The following MAP2K1 variants were observed in gnomAD, a reference collection of about 807,000 sequenced individuals.
The protein encoded by MAP2K1 is mitogen-activated protein kinase kinase 1.
Under a neutral mutation model 46.3 loss-of-function variants are expected in MAP2K1, and 16 were observed. The observed-to-expected ratio is 0.35, with a 90% CI of 0.23 to 0.52. The LOEUF (loss-of-function observed/expected upper bound fraction) is 0.52. Ranked by LOEUF, MAP2K1 falls within the 20% of genes least tolerant of loss-of-function variation. The pLI is 0.94. For synonymous variants in MAP2K1, 183 were observed against 185.6 expected (o/e 0.99, Z 0.11); for missense variants, 263 against 497.1 (o/e 0.53, Z 4.48).
At chr15:66,417,116 C>A (rs954271165) in intron 1 of MAP2K1, among the ~76,000 whole-genome samples, 1 of 152,092 alleles carries the variant, frequency 6.6e-6, no homozygotes, top group Non-Finnish European at 1.5e-5. Context: ...ATTTCCCCAC[C>A]CCACATCTTT....
chr15:66,415,326 G>T (rs1021645790), intron 1 of MAP2K1: 6 of 308,030 alleles, frequency 1.9e-5, no homozygotes, highest in Non-Finnish European at 3.8e-5. Flanking sequence ...CCTATTACTT[G>T]AGAAATTCCA....
At chr15:66,425,879 AC>A in intron 1 of MAP2K1, among the ~76,000 whole-genome samples, 3 of 152,354 alleles carry the variant, frequency 2.0e-5, no homozygotes, top group African/African-American at 7.2e-5. Context: ...TTAAGAGACA[AC>A]ACTTTGGCTA....
chr15:66,399,666 A>C (rs1015319274), intron 1 of MAP2K1, among the ~76,000 whole-genome samples: 1 of 151,944 alleles, frequency 6.6e-6, no homozygotes, highest in Non-Finnish European at 1.5e-5. Flanking sequence ...GCACGATCTC[A>C]TGTCACTGCA....
At chr15:66,453,438 C>T in intron 5 of MAP2K1, 1 of 701,334 alleles carries the variant, frequency 1.4e-6, no homozygotes, top group Non-Finnish European at 2.6e-6. Flanking sequence ...GCATTTCAGA[C>T]TCCTGTTGTT....
At chr15:66,436,409 C>A (rs1055422345) in intron 2 of MAP2K1, among the ~76,000 whole-genome samples, 3 of 152,166 alleles carry the variant, frequency 2.0e-5, no homozygotes, top group Non-Finnish European at 4.4e-5. Context: ...TCCTCATACC[C>A]TTCTACTTTC....
intron 1 of MAP2K1, among the ~76,000 whole-genome samples, chr15:66,418,845 A>G (rs1357133160): frequency 6.7e-6 from 1 of 150,362 alleles, no homozygotes; most frequent in Non-Finnish European, 1.5e-5. Flanking sequence ...AGAGGGTTTC[A>G]ATGTGTTAGC....
chr15:66,392,600 C>T (rs11632355), intron 1 of MAP2K1, among the ~76,000 whole-genome samples: 16,504 of 146,660 alleles, frequency 0.11, 1,140 homozygotes, highest in Non-Finnish European at 0.15. Flanking sequence ...GTTGCCCAGG[C>T]TGGAGTGCAA....
rs547178339 is a variant in MAP2K1 at position 66,489,733 on chromosome 15, C to T, written c.1038C>T (p.Pro346=). 1.7e-5 allele frequency: 27 copies of T among 1,613,854 alleles called. No individual in the cohort carries two copies. Among genetic ancestry groups the T allele is most frequent in the African/African-American group, 9.3e-5 (7 of 75,034 alleles). ...TTCCTTTAAGCTTAATAAAAAACCC[C>T]GCAGAGAGAGCAGATTTGAAGCAAC... ...DFVNKCLIKN[P]AERADLKQLM... is the part of the protein sequence containing the mutation. Residue 346 remains proline (P), a synonymous_variant, in exon 10 of 11, where the codon CCC becomes CCT. Coordinates refer to ENST00000307102, the MANE Select transcript of MAP2K1 (RefSeq NM_002755.4).
chr15:66,414,101 C>T (rs1302650404), intron 1 of MAP2K1, among the ~76,000 whole-genome samples: 2 of 152,026 alleles, frequency 1.3e-5, no homozygotes, highest in Non-Finnish European at 2.9e-5. Context: ...AGTAGCTCCA[C>T]ACGTAGAGCC....
chr15:66,402,053 A>G lies in MAP2K1; in HGVS notation c.80+14626A>G, dbSNP rs192373465. On this transcript the variant is annotated intron_variant, in intron 1 of 10. Transcript: ENST00000307102. ...TAAAGTATTTCTGAGTAGTTTTTAT[A>G]TGCTTTGTATTTTGAAGTTTTATAA... is the stretch of plus-strand genomic sequence containing the variant. 2.4e-5 allele frequency: 30 copies of G among 1,231,134 alleles called. No homozygotes were observed. The Admixed American group carries it at 6.9e-4, about 28-fold the overall frequency. 76.3% of individuals were successfully genotyped at this position (1,231,134 alleles called of 1,614,324 possible). A position where few individuals can be genotyped will look rare whatever the true frequency, so the allele number is the denominator to read the frequency against.
At chr15:66,426,865 A>G (rs536106368) in intron 1 of MAP2K1, among the ~76,000 whole-genome samples, 1 of 152,380 alleles carries the variant, frequency 6.6e-6, no homozygotes, top group East Asian at 1.9e-4. Flanking sequence ...CTGTAGTGTT[A>G]CAAGGATAGA....
intron 2 of MAP2K1, among the ~76,000 whole-genome samples, chr15:66,436,389 A>G (rs1221289059): frequency 6.6e-6 from 1 of 152,234 alleles, no homozygotes; most frequent in East Asian, 1.9e-4. Context: ...CTAGGTTAGC[A>G]TACCTGAGTT....
chr15:66,396,888 T>C (rs111500258), intron 1 of MAP2K1, among the ~76,000 whole-genome samples: 30,724 of 151,354 alleles, frequency 0.2, 3,799 homozygotes, highest in Middle Eastern at 0.33. Flanking sequence ...TTTCACCATG[T>C]TGGCCAGGCT....
chr15:66,425,112 A>G (rs2140562280), intron 1 of MAP2K1, among the ~76,000 whole-genome samples: 1 of 152,200 alleles, frequency 6.6e-6, no homozygotes, highest in South Asian at 2.1e-4. Context: ...CTCCATCTTT[A>G]GCAGACCCTG....
chr15:66,466,627 C>T (rs1454419346), intron 5 of MAP2K1, among the ~76,000 whole-genome samples: 1 of 152,172 alleles, frequency 6.6e-6, no homozygotes, highest in African/African-American at 2.4e-5. Flanking sequence ...TTGCAATGAG[C>T]TGAGATCATG....
At chr15:66,394,228 C>T (rs932948881) in intron 1 of MAP2K1, among the ~76,000 whole-genome samples, 3 of 152,116 alleles carry the variant, frequency 2.0e-5, no homozygotes, top group Non-Finnish European at 4.4e-5. Context: ...GCCTTAGTAG[C>T]GTTCATGATT....
intron 3 of MAP2K1, among the ~76,000 whole-genome samples, chr15:66,440,050 T>G (rs2140591475): frequency 6.6e-6 from 1 of 152,226 alleles, no homozygotes; most frequent in Middle Eastern, 3.4e-3. Flanking sequence ...TTACCATATA[T>G]CCATTTCTCC....
chr15:66,416,355 C>T (rs888419506), intron 1 of MAP2K1, among the ~76,000 whole-genome samples: 1 of 151,894 alleles, frequency 6.6e-6, no homozygotes, highest in Admixed American at 6.6e-5. Flanking sequence ...TACAATCCCC[C>T]CCAAACACAC....
At chr15:66,402,231 A>G (rs902274266) in intron 1 of MAP2K1, among the ~76,000 whole-genome samples, 1 of 152,240 alleles carries the variant, frequency 6.6e-6, no homozygotes, top group African/African-American at 2.4e-5. Context: ...CACAACTAGC[A>G]GGAATATGTG....
Sources: allele counts gnomAD v4.1 joint callset (sites outside exome capture counted in the v4.1 genomes callset), GRCh38; gene constraint gnomAD v4.1.1; transcripts MANE v1.5; gene names NCBI Gene and HGNC (gene_info 2026-07-23, HGNC 2026-07-21).